SLC4A8: variants seen among roughly 807,000 people sequenced by gnomAD.
The protein encoded by SLC4A8 is electroneutral sodium bicarbonate exchanger 1.
A neutral mutation model predicts 125.0 loss-of-function variants in SLC4A8; 40 were observed. That is an observed-to-expected ratio of 0.32 (90% confidence interval 0.25 to 0.42). The LOEUF is 0.42. Ranked by LOEUF, SLC4A8 falls within the 10% of genes least tolerant of loss-of-function variation. The pLI is 1.00. For synonymous variants in SLC4A8, 456 were observed against 476.0 expected, an observed-to-expected ratio of 0.96 and a Z score of 0.55; for missense variants, 863 against 1,355.1, an observed-to-expected ratio of 0.64 and a Z score of 5.70.
intron 21 of SLC4A8, among the ~76,000 whole-genome samples, chr12:51,496,291 C>T (rs1259409680): frequency 6.6e-6 from 1 of 152,190 alleles, no homozygotes; most frequent in East Asian, 1.9e-4. Context: ...AGCTGATGAA[C>T]AGCAGTCCAC....
At chr12:51,484,397 A>G (rs374164975) in intron 16 of SLC4A8, among the ~76,000 whole-genome samples, 4 of 152,236 alleles carry the variant, frequency 2.6e-5, no homozygotes, top group Admixed American at 2.0e-4. Context: ...TGCTATATGC[A>G]AAGTAGTAAA....
intron 13 of SLC4A8, 33 bp from the exon 14 acceptor site, chr12:51,471,254 C>G (rs753895272): frequency 7.3e-5 from 116 of 1,596,300 alleles, no homozygotes; most frequent in Non-Finnish European, 7.8e-5. Context: ...GCCATCCATC[C>G]ATGCGTTCTG....
chr12:51,401,560 C>T (rs1004646300), intron 1 of SLC4A8, among the ~76,000 whole-genome samples: 5 of 152,288 alleles, frequency 3.3e-5, no homozygotes, highest in African/African-American at 1.2e-4. Context: ...GTGTATTCCT[C>T]TCGATGTCCA....
At chr12:51,394,304 T>C (rs1380860785) in intron 1 of SLC4A8, among the ~76,000 whole-genome samples, 3 of 152,270 alleles carry the variant, frequency 2.0e-5, no homozygotes, top group Non-Finnish European at 2.9e-5. Context: ...TGATTTTAAA[T>C]GTGACTTGGA....
At chr12:51,474,717 G>T (rs1950811039) in intron 15 of SLC4A8, 2 of 571,684 alleles carry the variant, frequency 3.5e-6, no homozygotes, top group South Asian at 2.9e-5. Context: ...TGCAGGACAG[G>T]GGGCAGATCC....
At chr12:51,409,170 A>G (rs1393034931) in intron 1 of SLC4A8, among the ~76,000 whole-genome samples, 2 of 152,046 alleles carry the variant, frequency 1.3e-5, no homozygotes, top group East Asian at 3.9e-4. Flanking sequence ...GACTACAGGT[A>G]CACACCACTA....
At chr12:51,400,724 CTTTATATATATATATA>C (rs1278809142) in intron 1 of SLC4A8, among the ~76,000 whole-genome samples, 7 of 54,996 alleles carry the variant, frequency 1.3e-4, no homozygotes, top group African/African-American at 4.9e-4. Context: ...GAATGAACTC[CTTTATATATATATATA>C]TATATATATA....
Position 51,450,866 on chromosome 12 carries a change from T to G in SLC4A8, c.131-10T>G. On this transcript the variant is annotated splice_polypyrimidine_tract_variant and intron_variant, in intron 2 of 24. Coordinates refer to ENST00000453097, the MANE Select transcript of SLC4A8 (RefSeq NM_001039960.3). ...GGAGTTCTCTCCACAGACCTTCTGC[T>G]TCTTTCCAGGTCACAGAACTCTGTA... 6.2e-7 allele frequency: 1 copy of G among 1,613,502 alleles called. No individual in the cohort carries two copies. The highest frequency in any genetic ancestry group is 8.5e-7 in the Non-Finnish European group (1 of 1,179,670).
At position 51,456,875 on chromosome 12, in the gene SLC4A8, G is replaced by A. The variant is rs1311496050; in HGVS notation, c.575-476G>A. Among the ~76,000 whole-genome samples the A allele has an allele frequency of 5.3e-5, 8 of 152,300 alleles. No homozygotes were observed. The East Asian group carries it at 1.5e-3, about 29-fold the overall frequency. ...TTCTTATAGATTTCTCTTCTAAATAGCCCTTTGGAGTTCTACAGTTATAGT... is the reference window on the plus strand; with the variant it reads ...TTCTTATAGATTTCTCTTCTAAATAACCCTTTGGAGTTCTACAGTTATAGT... On this transcript the variant is annotated intron_variant, in intron 5 of 24. Transcript: ENST00000453097.
At chr12:51,440,858 C>G in intron 2 of SLC4A8, 69 bp downstream of exon 2, 1 of 1,310,870 alleles carries the variant, frequency 7.6e-7, no homozygotes, top group South Asian at 1.4e-5. Context: ...AGACCTGGCT[C>G]TGTGTCCTAA....
chr12:51,456,360 C>T (rs1425438763), intron 5 of SLC4A8, among the ~76,000 whole-genome samples: 3 of 152,078 alleles, frequency 2.0e-5, no homozygotes, highest in African/African-American at 4.8e-5. Context: ...TTTATTTCTT[C>T]TAGTACTTGA....
At chr12:51,410,882 T>A (rs1006658678) in intron 1 of SLC4A8, among the ~76,000 whole-genome samples, 1 of 149,030 alleles carries the variant, frequency 6.7e-6, no homozygotes, top group Non-Finnish European at 1.5e-5. Context: ...TTTTCTTTTT[T>A]TTTTTTTTTT....
intron 2 of SLC4A8, among the ~76,000 whole-genome samples, chr12:51,447,298 C>T (rs1949805659): frequency 6.6e-6 from 1 of 151,862 alleles, no homozygotes; most frequent in African/African-American, 2.4e-5. Flanking sequence ...CACTAAGTTG[C>T]CCAAGCTGGT....
At chr12:51,496,150 A>G (rs915999718) in intron 21 of SLC4A8, among the ~76,000 whole-genome samples, 2 of 152,206 alleles carry the variant, frequency 1.3e-5, no homozygotes, top group African/African-American at 2.4e-5. Flanking sequence ...TAAATAGCAG[A>G]TTACTGGGAA....
chr12:51,494,150 C>G (rs1951396692), intron 20 of SLC4A8, among the ~76,000 whole-genome samples: 2 of 152,102 alleles, frequency 1.3e-5, no homozygotes, highest in African/African-American at 4.8e-5. Flanking sequence ...TAGTGCCAGG[C>G]TAAAGTATAA....
rs144007664 is a variant in SLC4A8, at chr12:51,498,138, T to A, written c.3081+1014T>A. ...TAAATAAGCTTCAACAATTATAAAA[T>A]ATAAAGTCAATGGAAGAAAACTTTA... On this transcript the variant is annotated intron_variant, in intron 22 of 24. Transcript: ENST00000453097. Among the ~76,000 whole-genome samples the A allele has an allele frequency of 4.7e-3, 720 of 151,982 alleles. 25 individuals carry two copies. The highest frequency in any genetic ancestry group is 0.045 in the Admixed American group (684 of 15,272).
intron 5 of SLC4A8, among the ~76,000 whole-genome samples, chr12:51,456,666 G>A (rs947153767): frequency 7.2e-5 from 11 of 152,178 alleles, no homozygotes; most frequent in African/African-American, 2.4e-4. Context: ...CAGCTAAAAA[G>A]TGGTAGAACA....
chr12:51,392,582 A>AAAAAG (rs1172403790), intron 1 of SLC4A8, among the ~76,000 whole-genome samples: 2 of 150,876 alleles, frequency 1.3e-5, no homozygotes, highest in African/African-American at 2.4e-5. Flanking sequence ...AAAAAAAAAA[A>AAAAAG]AAAAGAAAAA....
intron 16 of SLC4A8, among the ~76,000 whole-genome samples, chr12:51,478,080 C>T (rs1170005703): frequency 6.6e-6 from 1 of 152,060 alleles, no homozygotes; most frequent in Non-Finnish European, 1.5e-5. Flanking sequence ...TCGAGACCAT[C>T]CTGGCTAACA....
Sources: gnomAD v4.1 joint callset for allele counts (sites outside exome capture counted in the v4.1 genomes callset) on GRCh38, gnomAD v4.1.1 for gene constraint, MANE v1.5 for transcripts, NCBI Gene and HGNC (gene_info 2026-07-23, HGNC 2026-07-21) for gene names.